CDH13: variants seen among roughly 807,000 people sequenced by gnomAD.
CDH13 encodes the protein cadherin-13.
In CDH13, 24 loss-of-function variants were observed where a neutral mutation model predicts 63.8. The ratio of observed to expected loss-of-function variants is 0.38; its 90% CI spans 0.27 to 0.53. The LOEUF (loss-of-function observed/expected upper bound fraction) is 0.53, where lower values mean the gene tolerates loss of function less well. Among genes scored for constraint, CDH13 ranks in the 20% least tolerant of loss-of-function variants. CDH13 has a pLI of 0.85. For synonymous variants in CDH13, 503 were observed against 355.3 expected, an observed-to-expected ratio of 1.42 and a Z score of -4.67; for missense variants, 1,049 against 903.1, an observed-to-expected ratio of 1.16 and a Z score of -2.07.
chr16:82,750,295 C>A (rs1218547258), intron 1 of CDH13, among the ~76,000 whole-genome samples: 1 of 152,102 alleles, frequency 6.6e-6, no homozygotes, highest in African/African-American at 2.4e-5. Context: ...TGGAAATTTC[C>A]TGAACATCCA....
chr16:82,758,452 C>T (rs1247969607), intron 1 of CDH13, among the ~76,000 whole-genome samples: 1 of 151,406 alleles, frequency 6.6e-6, no homozygotes, highest in East Asian at 1.9e-4. Flanking sequence ...TTTGTCTCCC[C>T]ATTTCTTTTA....
At chr16:83,759,383 C>T (rs1913770614) in intron 11 of CDH13, among the ~76,000 whole-genome samples, 2 of 151,912 alleles carry the variant, frequency 1.3e-5, no homozygotes, top group African/African-American at 2.4e-5. Flanking sequence ...AAACCATATA[C>T]AATAATTAAT....
rs571512952 is a variant in CDH13 at position 82,861,104 on chromosome 16, A to T, written c.157+2631A>T. ...GAAAAGAACCAAACAGAACCAGAAA[A>T]TGTTAAATGCATAGATTCCATTTCC... On this transcript the variant is annotated intron_variant, in intron 2 of 13. Transcript: ENST00000567109. Among the ~76,000 whole-genome samples the T allele has an allele frequency of 3.3e-5, 5 of 152,324 alleles. No homozygotes were observed. The East Asian group carries it at 9.6e-4, about 29-fold the overall frequency.
At chr16:82,819,436 T>C (rs547141438) in intron 1 of CDH13, among the ~76,000 whole-genome samples, 38 of 152,294 alleles carry the variant, frequency 2.5e-4, no homozygotes, top group Admixed American at 1.7e-3. Flanking sequence ...CCTCCCCCTT[T>C]TGTTATACAG....
chr16:83,543,518 G>C (rs1283930060), intron 7 of CDH13, among the ~76,000 whole-genome samples: 1 of 152,182 alleles, frequency 6.6e-6, no homozygotes, highest in Non-Finnish European at 1.5e-5. Flanking sequence ...CAAGTGCTGT[G>C]ATCTACTCCA....
At chr16:82,846,364 A>C (rs991037511) in intron 1 of CDH13, among the ~76,000 whole-genome samples, 7 of 151,962 alleles carry the variant, frequency 4.6e-5, no homozygotes, top group Non-Finnish European at 7.4e-5. Flanking sequence ...TTATATAAGA[A>C]ATATATATCA....
In CDH13 at chr16:83,702,752, G is replaced by T. The variant is rs77716676; in HGVS notation, c.1538+24291G>T. On this transcript the variant is annotated intron_variant, in intron 10 of 13. Transcript: ENST00000567109. The stretch of plus-strand genomic sequence containing the variant: ...CCTGGTCACCTCCAGAGCTGAGCAG[G>T]TGGCACTGTGGGGAGGGGCTTTCCA... Among the ~76,000 whole-genome samples, 743 of 152,278 alleles carry T rather than the reference G, an allele frequency of 4.9e-3. 9 individuals carry two copies. Among genetic ancestry groups the T allele is most frequent in the Non-Finnish European group, 8.3e-3 (562 of 68,024 alleles).
At chr16:83,030,937 T>A (rs2151471545) in intron 2 of CDH13, among the ~76,000 whole-genome samples, 1 of 151,942 alleles carries the variant, frequency 6.6e-6, no homozygotes, top group South Asian at 2.1e-4. Flanking sequence ...TATGGACTAT[T>A]CCATATGGAC....
intron 1 of CDH13, among the ~76,000 whole-genome samples, chr16:82,664,719 C>T (rs980679013): frequency 6.6e-6 from 1 of 152,160 alleles, no homozygotes; most frequent in Non-Finnish European, 1.5e-5. Context: ...CTAACAATTT[C>T]ACTTTACTGG....
At chr16:83,348,480 T>C (rs548021431) in intron 6 of CDH13, among the ~76,000 whole-genome samples, 9 of 152,302 alleles carry the variant, frequency 5.9e-5, no homozygotes, top group African/African-American at 2.2e-4. Context: ...GGCACAGCCT[T>C]TGTGGCCTCA....
chr16:82,867,904 A>T (rs979897723), intron 2 of CDH13, among the ~76,000 whole-genome samples: 2 of 152,128 alleles, frequency 1.3e-5, no homozygotes, highest in Non-Finnish European at 1.5e-5. Context: ...ATCTGTCTAC[A>T]TTCTCTATCT....
intron 1 of CDH13, among the ~76,000 whole-genome samples, chr16:82,776,336 T>C (rs2035496127): frequency 6.6e-6 from 1 of 152,150 alleles, no homozygotes; most frequent in Admixed American, 6.5e-5. Flanking sequence ...AGGCACTATC[T>C]ATGCCATATG....
At chr16:83,294,608 G>GTA (rs1050496524) in intron 5 of CDH13, among the ~76,000 whole-genome samples, 4 of 106,902 alleles carry the variant, frequency 3.7e-5, no homozygotes, top group Non-Finnish European at 6.0e-5. Context: ...GTGTATGTGT[G>GTA]TGTGTGTGTG....
rs554033303 is a variant in CDH13 at position 83,759,040 on chromosome 16, C to A, written c.1681+10790C>A. Among the ~76,000 whole-genome samples, 6 of 152,278 alleles carry A rather than the reference C, an allele frequency of 3.9e-5. No homozygotes were observed. The South Asian group carries it at 8.3e-4, about 21-fold the overall frequency. The stretch of plus-strand genomic sequence containing the variant: ...ATGGGGATCGGGGCAGAAATTGATA[C>A]ACTGATTATAAAATTTATATGGAAA... On this transcript the variant is annotated intron_variant, in intron 11 of 13. Transcript: ENST00000567109.
chr16:82,905,980 T>C (rs1353969867), intron 2 of CDH13, among the ~76,000 whole-genome samples: 1 of 152,074 alleles, frequency 6.6e-6, no homozygotes, highest in Non-Finnish European at 1.5e-5. Flanking sequence ...TACTCTGACT[T>C]TGAAAAAATA....
At chr16:83,566,297 C>G (rs971577002) in intron 7 of CDH13, among the ~76,000 whole-genome samples, 2 of 152,186 alleles carry the variant, frequency 1.3e-5, no homozygotes, top group African/African-American at 4.8e-5. Context: ...CTTTCTTTAA[C>G]TTGCACCTCA....
At chr16:83,774,294 T>C (rs1597212316) in intron 11 of CDH13, among the ~76,000 whole-genome samples, 1 of 152,140 alleles carries the variant, frequency 6.6e-6, no homozygotes, top group South Asian at 2.1e-4. Context: ...CAGGCTGTCA[T>C]AGTCATTTCC....
At chr16:83,680,194 G>T (rs1017708328) in intron 10 of CDH13, among the ~76,000 whole-genome samples, 1 of 152,192 alleles carries the variant, frequency 6.6e-6, no homozygotes, top group African/African-American at 2.4e-5. Flanking sequence ...ATCTCACAGT[G>T]AGAATAAACC....
At chr16:83,150,789 G>A (rs894935617) in intron 4 of CDH13, among the ~76,000 whole-genome samples, 1 of 152,208 alleles carries the variant, frequency 6.6e-6, no homozygotes, top group Non-Finnish European at 1.5e-5. Context: ...GAATGCTTGA[G>A]CTGGATTTCA....
Sources: gnomAD v4.1 joint callset for allele counts (sites outside exome capture counted in the v4.1 genomes callset) on GRCh38, gnomAD v4.1.1 for gene constraint, MANE v1.5 for transcripts, NCBI Gene and HGNC (gene_info 2026-07-23, HGNC 2026-07-21) for gene names.